PDAP1: variants seen among roughly 807,000 people sequenced by gnomAD.
PDAP1 encodes the protein 28 kDa heat- and acid-stable phosphoprotein.
In PDAP1, 13 loss-of-function variants were observed where a neutral mutation model predicts 28.0. The observed-to-expected ratio is 0.46, with a 90% CI of 0.30 to 0.74. The LOEUF (loss-of-function observed/expected upper bound fraction) is 0.74. PDAP1 is among the 30% of genes least tolerant of loss of function. PDAP1 has a pLI of 0.07. For missense variants in PDAP1, 150 were observed against 230.0 expected (o/e 0.65, Z 2.25); for synonymous variants, 77 against 85.1 (o/e 0.91, Z 0.52).
At chr7:99,405,086 C>T in intron 1 of PDAP1, 133 bp from the exon 2 acceptor site, 2 of 620,008 alleles carry the variant, frequency 3.2e-6, no homozygotes, top group Non-Finnish European at 5.7e-6. Flanking sequence ...CCCAAACCGA[C>T]ACCTCCGCCA....
chr7:99,400,207 C>T (rs749904436), intron 4 of PDAP1, 96 bp downstream of exon 4: 6 of 1,384,680 alleles, frequency 4.3e-6, no homozygotes, highest in Non-Finnish European at 5.0e-6. Flanking sequence ...CAGAAATAAA[C>T]AGCCACAGCT....
Position 99,396,724 on chromosome 7 carries a change from T to C in PDAP1, c.504A>G (p.Thr168=), listed in dbSNP as rs748738956. 2 of 1,611,962 alleles carry C rather than the reference T, an allele frequency of 1.2e-6. No individual in the cohort carries two copies. Among genetic ancestry groups the C allele is most frequent in the Non-Finnish European group, 1.7e-6 (2 of 1,179,706 alleles). ...EEERKAKDDA[T]LSGKRMQSLS... Reference sequence around the variant, plus strand: ...GTGACTGCATTCGTTTTCCTGACAATGTGGCATCGTCTTTTGCTGAGGGGT... The same window carrying C: ...GTGACTGCATTCGTTTTCCTGACAACGTGGCATCGTCTTTTGCTGAGGGGT... The change falls in exon 6 of 6, where the codon ACA becomes ACG. Residue 168 remains threonine (T), a synonymous_variant. Transcript: ENST00000350498.
chr7:99,407,113 T>C (rs1794985857), intron 1 of PDAP1, among the ~76,000 whole-genome samples: 1 of 152,184 alleles, frequency 6.6e-6, no homozygotes, highest in Non-Finnish European at 1.5e-5. Context: ...GATTTGCACT[T>C]AACATAATGG....
In PDAP1 at chr7:99,400,370, C is replaced by T. The variant is rs1402954770; in HGVS notation, c.268G>A (p.Ala90Thr). The T allele has an allele frequency of 2.0e-5, 32 of 1,613,932 alleles. No individual in the cohort carries two copies. Among genetic ancestry groups the T allele is most frequent in the Non-Finnish European group, 2.4e-5 (28 of 1,179,954 alleles). The change falls in exon 4 of 6, where the codon GCA (alanine) becomes ACA (threonine). Residue 90 changes from alanine (A) to threonine (T), a missense_variant. Transcript: ENST00000350498. ...TGTGTGACCTTTTTGGTTGTCTGTGCCACCCGGTTGGGGTTCTCGATGTCG... is the reference window on the plus strand; with the variant it reads ...TGTGTGACCTTTTTGGTTGTCTGTGTCACCCGGTTGGGGTTCTCGATGTCG... ...LIDIENPNRV[A>T]QTTKKVTQLD...
At chr7:99,402,228 C>CAAAAAAA (rs765074891) in intron 3 of PDAP1, among the ~76,000 whole-genome samples, 2 of 47,154 alleles carry the variant, frequency 4.2e-5, no homozygotes, top group African/African-American at 1.5e-4. Context: ...CTCCATCTCC[C>CAAAAAAA]AAAAAAAAAA....
intron 4 of PDAP1, among the ~76,000 whole-genome samples, chr7:99,398,864 G>C (rs1033028527): frequency 1.3e-5 from 2 of 152,242 alleles, no homozygotes; most frequent in African/African-American, 4.8e-5. Flanking sequence ...CCCCCAAGGG[G>C]ACAGCCCCCA....
chr7:99,398,016 G>A lies in PDAP1; in HGVS notation c.336-3C>T. The A allele has an allele frequency of 6.2e-7, 1 of 1,614,094 alleles. No individual in the cohort carries two copies. The highest frequency in any genetic ancestry group is 8.5e-7 in the Non-Finnish European group (1 of 1,179,990). ...CCTTCTGCTTCTCAATCTCTTCTCT[G>A]TGTGGATAAAATGGTGTCATGGGGA... On this transcript the variant is annotated splice_region_variant and splice_polypyrimidine_tract_variant and intron_variant, in intron 4 of 5. Coordinates refer to ENST00000350498, the MANE Select transcript of PDAP1 (RefSeq NM_014891.7).
chr7:99,397,177 G>A lies in PDAP1; in HGVS notation c.488-437C>T, dbSNP rs73711210. 4.6e-3 allele frequency among the ~76,000 whole-genome samples: 705 copies of A among 152,256 alleles called. 6 individuals are homozygous for A. Among genetic ancestry groups the A allele is most frequent in the African/African-American group, 0.016 (651 of 41,530 alleles). ...GTTGGGATCACTGGATTTCTGGTGC[G>A]GGTGACAATGTCCCTGAGCAATTGG... On this transcript the variant is annotated intron_variant, in intron 5 of 5. Coordinates refer to ENST00000350498, the MANE Select transcript of PDAP1 (RefSeq NM_014891.7).
intron 1 of PDAP1, among the ~76,000 whole-genome samples, chr7:99,407,939 G>C (rs973658077): frequency 6.6e-6 from 1 of 152,208 alleles, no homozygotes; most frequent in Non-Finnish European, 1.5e-5. Context: ...ACTCCACGTG[G>C]ATTACCTAGT....
chr7:99,396,507 C>CCCCCCCCT lies in PDAP1; in HGVS notation c.*174_*175insAGGGGGGG. The CCCCCCCCT allele has an allele frequency of 1.9e-6, 1 of 518,438 alleles. No individual in the cohort carries two copies. Among genetic ancestry groups the CCCCCCCCT allele is most frequent in the Non-Finnish European group, 3.6e-6 (1 of 276,896 alleles). 32.1% of individuals were successfully genotyped at this position (518,438 alleles called of 1,614,324 possible). On this transcript the variant is annotated 3_prime_UTR_variant, in exon 6 of 6. Coordinates refer to ENST00000350498, the MANE Select transcript of PDAP1 (RefSeq NM_014891.7). ...TAGCAGCTACCCCTCCCCCAGTCCC[C>CCCCCCCCT]CCCCCCATCCCCCAAACAATTTCTG...
chr7:99,398,137 G>C (rs1435040195), intron 4 of PDAP1, 124 bp from the exon 5 acceptor site: 1 of 1,047,560 alleles, frequency 9.5e-7, no homozygotes, highest in East Asian at 2.4e-5. Context: ...CCCTGGCTGT[G>C]AGTCCCTGCC....
chr7:99,405,790 C>A (rs1462550012), intron 1 of PDAP1, among the ~76,000 whole-genome samples: 6 of 152,192 alleles, frequency 3.9e-5, no homozygotes, highest in African/African-American at 1.4e-4. Context: ...GTCCAACTCC[C>A]AGGTTCTACG....
intron 1 of PDAP1, among the ~76,000 whole-genome samples, chr7:99,405,782 C>G (rs1000914097): frequency 6.6e-6 from 1 of 152,194 alleles, no homozygotes; most frequent in South Asian, 2.1e-4. Flanking sequence ...AGTTTAGAGT[C>G]CAACTCCCAG....
At chr7:99,398,055 A>G (rs1778524304) in intron 4 of PDAP1, 42 bp from the exon 5 acceptor site, 1 of 1,608,158 alleles carries the variant, frequency 6.2e-7, no homozygotes. Context: ...CTTTCCTACC[A>G]CTGTTTGCCA....
intron 3 of PDAP1, among the ~76,000 whole-genome samples, chr7:99,402,238 A>AAG (rs1433252754): frequency 6.6e-6 from 1 of 150,486 alleles, no homozygotes; most frequent in East Asian, 2.0e-4. Context: ...CAAAAAAAAA[A>AAG]AAAAAAAAAA....
intron 2 of PDAP1, 142 bp downstream of exon 2, chr7:99,404,720 C>A (rs1031332693): frequency 2.1e-5 from 13 of 612,446 alleles, no homozygotes; most frequent in Non-Finnish European, 3.8e-5. Flanking sequence ...CTGAGACTCA[C>A]ACCTGGGGCT....
chr7:99,404,619 G>A (rs1022691293), intron 2 of PDAP1, among the ~76,000 whole-genome samples: 1 of 152,128 alleles, frequency 6.6e-6, no homozygotes, highest in Non-Finnish European at 1.5e-5. Context: ...CAAGAACAGG[G>A]CCCCACTAAA....
chr7:99,402,896 A>G (rs1272980704), intron 3 of PDAP1, among the ~76,000 whole-genome samples: 3 of 120,472 alleles, frequency 2.5e-5, no homozygotes, highest in Non-Finnish European at 4.7e-5. Flanking sequence ...AAAAAAAAAA[A>G]GAAAAGAAAA....
chr7:99,396,453 T>C lies in PDAP1; in HGVS notation c.*229A>G, dbSNP rs754543707. The stretch of plus-strand genomic sequence containing the variant: ...AACATTCAAATGGTTACATATGAAA[T>C]GCTGTCCTGCATCTTTCTGTCTCAA... On this transcript the variant is annotated 3_prime_UTR_variant, in exon 6 of 6. Transcript: ENST00000350498. 3 of 590,340 alleles carry C rather than the reference T, an allele frequency of 5.1e-6. No homozygotes were observed. Among genetic ancestry groups the C allele is most frequent in the Admixed American group, 3.0e-5 (1 of 33,496 alleles). The allele number at this position is 590,340 out of a possible 1,614,324, so 36.6% of individuals were successfully genotyped here. A position where few individuals can be genotyped will look rare whatever the true frequency, so the allele number is the denominator to read the frequency against.
Sources: gnomAD v4.1 joint callset for allele counts (sites outside exome capture counted in the v4.1 genomes callset) on GRCh38, gnomAD v4.1.1 for gene constraint, MANE v1.5 for transcripts, NCBI Gene and HGNC (gene_info 2026-07-23, HGNC 2026-07-21) for gene names.